The following MAJIN variants were observed in gnomAD, a reference collection of about 807,000 sequenced individuals.
MAJIN encodes the protein membrane-anchored junction protein.
MAJIN carries 27 observed loss-of-function variants against 30.2 expected under a neutral mutation model. That is an observed-to-expected ratio of 0.89 (90% confidence interval 0.66 to 1.23). The LOEUF (loss-of-function observed/expected upper bound fraction) is 1.23. Among genes scored for constraint, MAJIN ranks in the 50% most tolerant of loss-of-function variants. The pLI, the probability that MAJIN is intolerant of heterozygous loss-of-function variation, is 0.00. For synonymous variants in MAJIN, 78 were observed against 91.6 expected (o/e 0.85, Z 0.85); for missense variants, 253 against 260.3 (o/e 0.97, Z 0.19).
intron 8 of MAJIN, among the ~76,000 whole-genome samples, chr11:64,941,598 C>A (rs1945380282): frequency 6.6e-6 from 1 of 152,118 alleles, no homozygotes; most frequent in African/African-American, 2.4e-5. Flanking sequence ...CAGAGTGAGC[C>A]AAGGTCGCGC....
chr11:64,938,722 C>A, intron 10 of MAJIN, 149 bp from the exon 11 acceptor site: 1 of 823,924 alleles, frequency 1.2e-6, no homozygotes, highest in African/African-American at 1.7e-5. Context: ...TGAAAAGGTA[C>A]CCAAATTAGA....
intron 10 of MAJIN, among the ~76,000 whole-genome samples, 158 bp from the exon 11 acceptor site, chr11:64,938,731 G>A (rs1391623467): frequency 6.6e-6 from 1 of 152,152 alleles, no homozygotes; most frequent in Non-Finnish European, 1.5e-5. Flanking sequence ...ACCCAAATTA[G>A]ATTATACTCA....
At chr11:64,945,248 C>T (rs1248549892) in intron 8 of MAJIN, among the ~76,000 whole-genome samples, 2 of 152,048 alleles carry the variant, frequency 1.3e-5, no homozygotes, top group East Asian at 3.9e-4. Flanking sequence ...GTCCCAGCTA[C>T]TCGGGAGGCT....
intron 7 of MAJIN, 126 bp downstream of exon 7, chr11:64,947,662 T>G (rs1242287985): frequency 2.5e-5 from 28 of 1,135,466 alleles, no homozygotes; most frequent in Non-Finnish European, 3.7e-5. Context: ...GTCTTATGTT[T>G]ACAATTCTGA....
intron 8 of MAJIN, among the ~76,000 whole-genome samples, chr11:64,944,188 A>G (rs1945416711): frequency 6.6e-6 from 1 of 152,268 alleles, no homozygotes; most frequent in African/African-American, 2.4e-5. Flanking sequence ...CTACTTAAAA[A>G]TGTTTTACAG....
intron 1 of MAJIN, among the ~76,000 whole-genome samples, chr11:64,964,377 T>A (rs1291270011): frequency 1.3e-5 from 2 of 152,142 alleles, no homozygotes; most frequent in Non-Finnish European, 2.9e-5. Flanking sequence ...TGGTGGGGGA[T>A]GATAGGGAAG....
In MAJIN at chr11:64,939,741, C is replaced by T; in HGVS notation, c.573G>A (p.Gln191=). The T allele has an allele frequency of 3.7e-6, 6 of 1,613,964 alleles. No individual in the cohort carries two copies. The highest frequency in any genetic ancestry group is 5.1e-6 in the Non-Finnish European group (6 of 1,179,922). ...NKILSGDTAC[Q]GELSHPCSTT... ...TGCTGCAGGGGTGGGACAATTCGCCCTGGCAGGCTGTGTCCCCACTCAGAA... is the reference window on the plus strand; with the variant it reads ...TGCTGCAGGGGTGGGACAATTCGCCTTGGCAGGCTGTGTCCCCACTCAGAA... The change falls in exon 10 of 11, where the codon CAG becomes CAA. Residue 191 remains glutamine (Q), a synonymous_variant. Coordinates refer to ENST00000301896, the MANE Select transcript of MAJIN (RefSeq NM_001037225.3).
At chr11:64,963,042 G>T (rs1945752491) in intron 1 of MAJIN, among the ~76,000 whole-genome samples, 1 of 152,110 alleles carries the variant, frequency 6.6e-6, no homozygotes, top group African/African-American at 2.4e-5. Flanking sequence ...CATGAAAATT[G>T]CTTGAACCCA....
At chr11:64,939,458 G>A (rs1044729771) in intron 10 of MAJIN, among the ~76,000 whole-genome samples, 4 of 152,246 alleles carry the variant, frequency 2.6e-5, no homozygotes, top group Non-Finnish European at 5.9e-5. Flanking sequence ...GAGGTGGGTT[G>A]TGTAAAAATA....
intron 5 of MAJIN, 56 bp from the exon 6 acceptor site, chr11:64,949,924 A>G (rs2136756162): frequency 1.9e-6 from 3 of 1,574,362 alleles, no homozygotes; most frequent in Middle Eastern, 1.7e-4. Flanking sequence ...CCTAAGTACT[A>G]TTTTAGGGAT....
At chr11:64,961,650 G>A (rs1371020532) in intron 1 of MAJIN, among the ~76,000 whole-genome samples, 1 of 149,410 alleles carries the variant, frequency 6.7e-6, no homozygotes, top group African/African-American at 2.5e-5. Context: ...TAATTTTTTT[G>A]TATTTTTAGT....
intron 10 of MAJIN, 77 bp downstream of exon 10, chr11:64,939,585 T>A: frequency 7.7e-7 from 1 of 1,301,206 alleles, no homozygotes; most frequent in Non-Finnish European, 1.1e-6. Context: ...TTCTTTTCTA[T>A]TCTAATTTCC....
chr11:64,970,384 T>TTTTTG (rs1945880478), intron 1 of MAJIN, among the ~76,000 whole-genome samples: 2 of 139,064 alleles, frequency 1.4e-5, no homozygotes, highest in African/African-American at 2.6e-5. Context: ...TTTTTTTTTT[T>TTTTTG]GAGACGGAGT....
Position 64,959,288 on chromosome 11 carries a change from C to T in MAJIN, c.101+17G>A, listed in dbSNP as rs1945685495. 2 of 1,596,432 alleles carry T rather than the reference C, an allele frequency of 1.3e-6. No individual in the cohort carries two copies. Among genetic ancestry groups the T allele is most frequent in the African/African-American group, 1.3e-5 (1 of 74,574 alleles). ...AACTGGTGTTTGCATAGGCTACCCT[C>T]CTACCTTTGAAATTACCTGATACTC... is the stretch of plus-strand genomic sequence containing the variant. On this transcript the variant is annotated intron_variant, in intron 3 of 10. Transcript: ENST00000301896.
intron 3 of MAJIN, 98 bp downstream of exon 3, chr11:64,959,204 CAGT>C: frequency 1.3e-6 from 1 of 793,058 alleles, no homozygotes; most frequent in Non-Finnish European, 2.1e-6. Flanking sequence ...GCTACTTTAC[CAGT>C]CTCCTGAACT....
intron 1 of MAJIN, among the ~76,000 whole-genome samples, chr11:64,971,628 ACGCTCCCGGCCTGCGACCCG>A (rs1293900347): frequency 6.6e-6 from 1 of 151,904 alleles, no homozygotes; most frequent in African/African-American, 2.4e-5. Flanking sequence ...TCTACCTCGC[ACGCTCCCGGCCTGCGACCCG>A]CGCTCCGGTC....
intron 4 of MAJIN, chr11:64,954,381 G>A (rs1021627436): frequency 8.1e-6 from 3 of 370,348 alleles, no homozygotes; most frequent in East Asian, 6.7e-5. Context: ...ATTTACAGTC[G>A]AGTTTCCTGA....
chr11:64,959,519 A>T (rs1422738689), intron 2 of MAJIN, 97 bp from the exon 3 acceptor site: 8 of 898,512 alleles, frequency 8.9e-6, no homozygotes, highest in African/African-American at 1.7e-5. Context: ...CTTCATGAGT[A>T]AAATGTCCAA....
intron 6 of MAJIN, among the ~76,000 whole-genome samples, chr11:64,948,102 C>G (rs1176051090): frequency 6.6e-6 from 1 of 152,046 alleles, no homozygotes; most frequent in Non-Finnish European, 1.5e-5. Flanking sequence ...CTCAGGTGAT[C>G]CACCTGCCTT....
Sources: gnomAD v4.1 joint callset for allele counts (sites outside exome capture counted in the v4.1 genomes callset) on GRCh38, gnomAD v4.1.1 for gene constraint, MANE v1.5 for transcripts, NCBI Gene and HGNC (gene_info 2026-07-23, HGNC 2026-07-21) for gene names.